Variants in SARDH observed in about 807,000 individuals in gnomAD.
SARDH encodes the protein sarcosine dehydrogenase, mitochondrial.
SARDH carries 95 observed loss-of-function variants against 109.1 expected under a neutral mutation model. The observed-to-expected ratio is 0.87, with a 90% CI of 0.74 to 1.03. The LOEUF is 1.03. Among genes scored for constraint, SARDH ranks in the 50% least tolerant of loss-of-function variants. The pLI is 0.00. For missense variants in SARDH, 1,267 were observed against 1,287.8 expected, an observed-to-expected ratio of 0.98 and a Z score of 0.25; for synonymous variants, 572 against 534.8, an observed-to-expected ratio of 1.07 and a Z score of -0.96.
intron 7 of SARDH, 105 bp from the exon 8 acceptor site, chr9:133,717,560 C>G: frequency 6.7e-7 from 1 of 1,496,838 alleles, no homozygotes; most frequent in Non-Finnish European, 9.0e-7. Context: ...TCTGCTGAAT[C>G]AGATGCATTA....
intron 6 of SARDH, among the ~76,000 whole-genome samples, chr9:133,726,830 T>C (rs988514393): frequency 6.6e-6 from 1 of 152,154 alleles, no homozygotes; most frequent in African/African-American, 2.4e-5. Flanking sequence ...CAACCCTCTG[T>C]CCTTGTCCTT....
rs1485574554 is a variant in SARDH, at chr9:133,704,917, C to T, written c.1554+31G>A. The T allele has an allele frequency of 6.5e-7, 1 of 1,549,712 alleles. No individual in the cohort carries two copies. Among genetic ancestry groups the T allele is most frequent in the Non-Finnish European group, 8.7e-7 (1 of 1,143,086 alleles). On this transcript the variant is annotated intron_variant, in intron 12 of 20. Transcript: ENST00000439388. This position sits in a 1 kb window ranked among gnomAD's most constrained non-coding sequence, Gnocchi z 4.5. ...AAGGGGGTTGTCAGGGCAGGGCCTC[C>T]CAGCAGCACAGCCCAGCAGGCACTA...
chr9:133,676,713 G>T (rs1228610853), intron 17 of SARDH, among the ~76,000 whole-genome samples: 1 of 152,188 alleles, frequency 6.6e-6, no homozygotes, highest in African/African-American at 2.4e-5. Context: ...GAGACCGGGG[G>T]GAAAGGCGGT....
intron 17 of SARDH, among the ~76,000 whole-genome samples, chr9:133,676,338 G>A (rs1830510631): frequency 6.6e-6 from 1 of 152,222 alleles, no homozygotes; most frequent in Non-Finnish European, 1.5e-5. Context: ...AGAGCAGAAT[G>A]GAGGGCACAG....
At position 133,731,321 on chromosome 9, in the gene SARDH, GA is replaced by G. The variant is rs1832672510; in HGVS notation, c.673del (p.Ser225LeufsTer13). Reference protein sequence around the residue: ...GTCTTLARAASARGAQVIENC... With the variant: ...GTCTTLARAAXARGAQVIENC... ...CATCAGTACCTGTGCTCCTCGGGCA[GA>G]AGCTGCCCTGGCGAGGGTGGTACAG... On this transcript the variant is annotated frameshift_variant, in exon 4 of 21. Transcript: ENST00000439388. LOFTEE classifies it high-confidence loss of function. 2 of 1,614,040 alleles carry G rather than the reference GA, an allele frequency of 1.2e-6. No individual in the cohort carries two copies. Among genetic ancestry groups the G allele is most frequent in the Non-Finnish European group, 1.7e-6 (2 of 1,180,028 alleles).
intron 13 of SARDH, among the ~76,000 whole-genome samples, chr9:133,701,615 C>T (rs1339673159): frequency 6.6e-6 from 1 of 152,240 alleles, no homozygotes; most frequent in African/African-American, 2.4e-5. Flanking sequence ...GCCAGAGTCC[C>T]ACAGGCTTTA....
intron 19 of SARDH, among the ~76,000 whole-genome samples, chr9:133,668,039 G>T (rs1830135823): frequency 6.6e-6 from 1 of 151,982 alleles, no homozygotes; most frequent in Non-Finnish European, 1.5e-5. Context: ...TGGGTCACAG[G>T]GGCCGTCCGA....
At chr9:133,714,894 C>T (rs540792206) in intron 8 of SARDH, among the ~76,000 whole-genome samples, 20 of 152,322 alleles carry the variant, frequency 1.3e-4, no homozygotes, top group African/African-American at 4.3e-4. Flanking sequence ...CTCTGAACAA[C>T]CTCACAGGGA....
Position 133,734,104 on chromosome 9 carries a change from C to G in SARDH, c.70G>C (p.Gly24Arg), listed in dbSNP as rs776941798. 1.3e-5 allele frequency: 21 copies of G among 1,612,382 alleles called. No individual in the cohort carries two copies. The highest frequency in any genetic ancestry group is 1.7e-5 in the Non-Finnish European group (20 of 1,179,692). ...HPRQSPTRGM[G>R]PCNLSSAAGP... is the part of the protein sequence containing the mutation. Reference sequence around the variant, plus strand: ...GCTGCGCTGGACAGGTTGCATGGCCCCATGCCCCGGGTAGGGCTCTGGCGA... The same window carrying G: ...GCTGCGCTGGACAGGTTGCATGGCCGCATGCCCCGGGTAGGGCTCTGGCGA... Residue 24 changes from glycine (G) to arginine (R), a missense_variant, in exon 2 of 21, where the codon GGG (glycine) becomes CGG (arginine). Gly to Arg is a moderately radical substitution (Grantham distance 125). Transcript: ENST00000439388.
chr9:133,675,351 A>T (rs1830480480), intron 17 of SARDH, among the ~76,000 whole-genome samples: 1 of 92,030 alleles, frequency 1.1e-5, no homozygotes, highest in Non-Finnish European at 2.3e-5. Context: ...ACTCCATTTA[A>T]AAAAAAAAAA....
At chr9:133,708,190 G>T in intron 11 of SARDH, 97 bp downstream of exon 11, 1 of 1,419,742 alleles carries the variant, frequency 7.0e-7, no homozygotes, top group Non-Finnish European at 9.4e-7. Context: ...CACCTGACCT[G>T]CGGTTGGGGT....
Position 133,731,435 on chromosome 9 carries a change from G to T in SARDH, c.560C>A (p.Thr187Asn), listed in dbSNP as rs751373116. ...ATTCATCAGCGGGTACAGAGTCTTG[G>T]TCTCTGCCGGGCTCAGCACATGGGA... is the stretch of plus-strand genomic sequence containing the variant. ...VESHVLSPAE[T>N]KTLYPLMNVD... Residue 187 changes from threonine (T) to asparagine (N), a missense_variant, in exon 4 of 21, where the codon ACC (threonine) becomes AAC (asparagine). Coordinates refer to ENST00000439388, the MANE Select transcript of SARDH (RefSeq NM_001134707.2). The T allele has an allele frequency of 2.5e-6, 4 of 1,614,152 alleles. No homozygotes were observed. The highest frequency in any genetic ancestry group is 1.6e-4 in the Middle Eastern group (1 of 6,062).
At chr9:133,725,522 A>G (rs1832457290) in intron 6 of SARDH, 1 of 439,926 alleles carries the variant, frequency 2.3e-6, no homozygotes, top group Non-Finnish European at 4.6e-6. Flanking sequence ...AAATACAAAA[A>G]AAAATCAGCC....
chr9:133,680,014 C>T (rs1236954102), intron 17 of SARDH, among the ~76,000 whole-genome samples: 3 of 152,260 alleles, frequency 2.0e-5, no homozygotes, highest in Non-Finnish European at 1.5e-5. Context: ...ATACCTGGCT[C>T]AGGCCCACGC....
intron 17 of SARDH, among the ~76,000 whole-genome samples, chr9:133,678,690 A>G (rs1046131948): frequency 3.9e-5 from 6 of 152,106 alleles, no homozygotes; most frequent in African/African-American, 1.4e-4. Context: ...GTCCATCCCC[A>G]CAGGCATCCC....
intron 3 of SARDH, 47 bp downstream of exon 3, chr9:133,732,376 C>A: frequency 2.2e-6 from 1 of 461,938 alleles, no homozygotes; most frequent in Non-Finnish European, 4.4e-6. Context: ...GGGAGTGCAC[C>A]CACCCACCCA....
chr9:133,695,931 G>C (rs1831270328), intron 14 of SARDH, among the ~76,000 whole-genome samples: 1 of 152,210 alleles, frequency 6.6e-6, no homozygotes, highest in South Asian at 2.1e-4. Context: ...AGTCCCAGGA[G>C]AGACGTGGCT....
rs577957240 is a variant in SARDH, at chr9:133,704,361, G to A, written c.1554+587C>T. ...CCCTCAGCTGGCCTTAAGGCCTCGCGTCCCCTGCTCCCGAGGGTCTGGGTC... is the reference window on the plus strand; with the variant it reads ...CCCTCAGCTGGCCTTAAGGCCTCGCATCCCCTGCTCCCGAGGGTCTGGGTC... On this transcript the variant is annotated intron_variant, in intron 12 of 20. Coordinates refer to ENST00000439388, the MANE Select transcript of SARDH (RefSeq NM_001134707.2). The surrounding 1 kb of genome is among the most constrained non-coding windows in gnomAD (Gnocchi z 4.5). Among the ~76,000 whole-genome samples, 3 of 152,148 alleles carry A rather than the reference G, an allele frequency of 2.0e-5. No homozygotes were observed. Among genetic ancestry groups the A allele is most frequent in the South Asian group, 2.1e-4 (1 of 4,834 alleles).
chr9:133,668,318 ACCCTCCCTCTCCCTCT>A, intron 19 of SARDH, among the ~76,000 whole-genome samples: 1 of 17,930 alleles, frequency 5.6e-5, no homozygotes, highest in South Asian at 2.1e-3. Context: ...CCTCTCCCCC[ACCCTCCCTCTCCCTCT>A]CCCTCATTCT....
Sources: gnomAD v4.1 joint callset for allele counts (sites outside exome capture counted in the v4.1 genomes callset) on GRCh38, gnomAD v4.1.1 for gene constraint, Gnocchi (gnomAD v3.1) non-coding constraint, MANE v1.5 for transcripts, NCBI Gene and HGNC (gene_info 2026-07-23, HGNC 2026-07-21) for gene names.